The following KLHL30 variants were observed in gnomAD, a reference collection of about 807,000 sequenced individuals.
KLHL30 encodes kelch like family member 30.
A neutral mutation model predicts 55.0 loss-of-function variants in KLHL30; 55 were observed. That is an observed-to-expected ratio of 1.00 (90% CI 0.80 to 1.25). The LOEUF (loss-of-function observed/expected upper bound fraction) is 1.25, where lower values mean the gene tolerates loss of function less well. Ranked by LOEUF, KLHL30 falls within the 50% of genes most tolerant of loss-of-function variation. The pLI is 0.00. For missense variants in KLHL30, 786 were observed against 811.6 expected, an observed-to-expected ratio of 0.97 and a Z score of 0.38; for synonymous variants, 356 against 372.6, an observed-to-expected ratio of 0.96 and a Z score of 0.51.
At chr2:238,145,360 C>T (rs994286046) in intron 4 of KLHL30, among the ~76,000 whole-genome samples, 30 of 152,214 alleles carry the variant, frequency 2.0e-4, no homozygotes, top group Admixed American at 5.9e-4. Context: ...GTCTTGGTCC[C>T]CAGAAAGAGT....
intron 3 of KLHL30, among the ~76,000 whole-genome samples, chr2:238,144,432 A>AAGGCAGGCAGGC (rs1165549782): frequency 0.012 from 1,026 of 82,406 alleles, 20 homozygotes; most frequent in African/African-American, 0.038. Context: ...GGAAGGAAGG[A>AAGGCAGGCAGGC]AGGCAGGCAG....
chr2:238,143,061 G>C (rs1692571331), intron 3 of KLHL30, 130 bp downstream of exon 3: 2 of 1,185,074 alleles, frequency 1.7e-6, no homozygotes, highest in South Asian at 5.0e-5. Flanking sequence ...CCCTGTGAGG[G>C]GCGTGCCTGG....
rs767713769 is a variant in KLHL30, at chr2:238,149,028, C to T, written c.1361C>T (p.Ser454Leu). 8.8e-5 allele frequency: 141 copies of T among 1,608,726 alleles called. No individual in the cohort carries two copies. Among genetic ancestry groups the T allele is most frequent in the Non-Finnish European group, 1.1e-4 (135 of 1,177,954 alleles). Reference protein sequence around the residue: ...PVTDAWSVIASPFLPKYLSSP... With the variant: ...PVTDAWSVIALPFLPKYLSSP... ...ACAGATGCGTGGAGTGTGATCGCCT[C>T]GCCCTTCCTGCCCAAGTACCTGTCC... is the stretch of plus-strand genomic sequence containing the variant. Residue 454 changes from serine (S) to leucine (L), a missense_variant, in exon 7 of 8, where the codon TCG becomes TTG. By Grantham distance (145) the Ser-to-Leu change is moderately radical. Coordinates refer to ENST00000409223, the MANE Select transcript of KLHL30 (RefSeq NM_198582.4).
intron 1 of KLHL30, among the ~76,000 whole-genome samples, chr2:238,139,968 G>A (rs1010625138): frequency 2.0e-5 from 3 of 152,236 alleles, no homozygotes; most frequent in African/African-American, 4.8e-5. Context: ...CCTCCAGAAC[G>A]CTGCCTTTGG....
At chr2:238,144,751 G>A (rs1223441320) in intron 3 of KLHL30, 151 bp from the exon 4 acceptor site, 35 of 665,768 alleles carry the variant, frequency 5.3e-5, no homozygotes, top group Non-Finnish European at 7.2e-5. Flanking sequence ...CCGGGCCCCC[G>A]TACCAGTGTC....
At position 238,149,172 on chromosome 2, in the gene KLHL30, A is replaced by G. The variant is rs1387722178; in HGVS notation, c.1485+20A>G. The G allele has an allele frequency of 1.2e-6, 2 of 1,611,358 alleles. No individual in the cohort carries two copies. The highest frequency in any genetic ancestry group is 8.5e-7 in the Non-Finnish European group (1 of 1,179,526). ...CAGAAGGTGGGCCGCCCCCTCCCCC[A>G]ACATGTGTGAGCCCCTGCCCAGGAC... On this transcript the variant is annotated intron_variant, in intron 7 of 7. Coordinates refer to ENST00000409223, the MANE Select transcript of KLHL30 (RefSeq NM_198582.4).
intron 6 of KLHL30, 59 bp from the exon 7 acceptor site, chr2:238,148,948 G>A (rs1219819470): frequency 1.3e-6 from 2 of 1,522,842 alleles, no homozygotes; most frequent in Non-Finnish European, 1.8e-6. Context: ...GTGGGGCACA[G>A]TGCTAGTGCC....
intron 2 of KLHL30, among the ~76,000 whole-genome samples, chr2:238,141,763 G>A (rs958675803): frequency 6.6e-6 from 1 of 152,256 alleles, no homozygotes; most frequent in Non-Finnish European, 1.5e-5. Context: ...TGTGGAAGTG[G>A]TAAGATCTGG....
chr2:238,146,468 G>A (rs1054343360), intron 5 of KLHL30, among the ~76,000 whole-genome samples: 34 of 151,358 alleles, frequency 2.2e-4, no homozygotes, highest in African/African-American at 7.7e-4. Context: ...GTGCAGTGGA[G>A]TGATCTCAGC....
chr2:238,142,429 G>A (rs915684449), intron 2 of KLHL30, among the ~76,000 whole-genome samples: 3 of 152,196 alleles, frequency 2.0e-5, no homozygotes, highest in African/African-American at 7.2e-5. Flanking sequence ...GGGAGAGCCT[G>A]GGGTCCTGGG....
Position 238,150,795 on chromosome 2 carries a change from A to G in KLHL30, c.1486-19A>G, listed in dbSNP as rs765579129. ...TCCAGCTCCCGCCCACCGGACGCTAACCCGCTGACCGTGCACAGGTGCAGT... is the reference window on the plus strand; with the variant it reads ...TCCAGCTCCCGCCCACCGGACGCTAGCCCGCTGACCGTGCACAGGTGCAGT... On this transcript the variant is annotated intron_variant, in intron 7 of 7. Coordinates refer to ENST00000409223, the MANE Select transcript of KLHL30 (RefSeq NM_198582.4). The G allele has an allele frequency of 1.4e-5, 22 of 1,562,582 alleles. No homozygotes were observed. The highest frequency in any genetic ancestry group is 1.7e-5 in the Non-Finnish European group (20 of 1,153,984).
intron 6 of KLHL30, among the ~76,000 whole-genome samples, chr2:238,148,231 G>A (rs566446115): frequency 3.9e-5 from 6 of 152,180 alleles, no homozygotes; most frequent in South Asian, 2.1e-4. Context: ...CGTCAGCTCC[G>A]CAGAGTCCCA....
At chr2:238,144,414 G>GGAAGGAAGGAAT (rs1559275912) in intron 3 of KLHL30, among the ~76,000 whole-genome samples, 104 of 120,690 alleles carry the variant, frequency 8.6e-4, no homozygotes, top group Admixed American at 1.1e-3. Context: ...AAGGAAGGAA[G>GGAAGGAAGGAAT]GAAGGAAGGA....
At position 238,149,030 on chromosome 2, in the gene KLHL30, C is replaced by T. The variant is rs1692699374; in HGVS notation, c.1363C>T (p.Pro455Ser). Residue 455 changes from proline to serine, a missense_variant, in exon 7 of 8, where the codon CCC (proline) becomes TCC (serine). Coordinates refer to ENST00000409223, the MANE Select transcript of KLHL30 (RefSeq NM_198582.4). ...AGATGCGTGGAGTGTGATCGCCTCG[C>T]CCTTCCTGCCCAAGTACCTGTCCTC... ...VTDAWSVIAS[P>S]FLPKYLSSPR... 5.6e-6 allele frequency: 9 copies of T among 1,610,150 alleles called. No homozygotes were observed. Among genetic ancestry groups the T allele is most frequent in the Non-Finnish European group, 7.6e-6 (9 of 1,178,616 alleles).
At chr2:238,144,764 C>G in intron 3 of KLHL30, 138 bp from the exon 4 acceptor site, 1 of 697,276 alleles carries the variant, frequency 1.4e-6, no homozygotes, top group South Asian at 1.7e-5. Flanking sequence ...CCAGTGTCAC[C>G]CTGCCCCTCC....
In KLHL30 at chr2:238,145,759, C is replaced by T. The variant is rs747247377; in HGVS notation, c.1077C>T (p.Pro359=). ...CCCTGAAGGAGGCCTCCTGGAAGCC[C>T]GTGGCGCCCATGCTGAAGCCCCGCA... The part of the protein sequence containing the change: ...CFPLKEASWK[P]VAPMLKPRTN... The change falls in exon 5 of 8, where the codon CCC becomes CCT. Residue 359 remains proline (P), a synonymous_variant. Coordinates refer to ENST00000409223, the MANE Select transcript of KLHL30 (RefSeq NM_198582.4). The T allele has an allele frequency of 1.6e-5, 25 of 1,604,508 alleles. No individual in the cohort carries two copies. The highest frequency in any genetic ancestry group is 1.7e-4 in the Middle Eastern group (1 of 5,980).
chr2:238,150,941 C>G lies in KLHL30; in HGVS notation c.1613C>G (p.Thr538Arg). The part of the protein sequence containing the change: ...DYHVEMEAYD[T>R]VRDTWTRHGA... The stretch of plus-strand genomic sequence containing the variant: ...CACGTGGAGATGGAGGCCTACGACA[C>G]GGTTCGGGACACCTGGACCCGCCAC... Residue 538 changes from threonine to arginine, a missense_variant, in exon 8 of 8, where the codon ACG becomes AGG. Coordinates refer to ENST00000409223, the MANE Select transcript of KLHL30 (RefSeq NM_198582.4). 2 of 1,585,836 alleles carry G rather than the reference C, an allele frequency of 1.3e-6. No homozygotes were observed. The highest frequency in any genetic ancestry group is 1.7e-6 in the Non-Finnish European group (2 of 1,167,534).
rs570594439 is a variant in KLHL30, at chr2:238,147,233, T to G, written c.1151-601T>G. 5.3e-5 allele frequency among the ~76,000 whole-genome samples: 8 copies of G among 151,982 alleles called. No individual in the cohort carries two copies. The highest frequency in any genetic ancestry group is 7.4e-5 in the Non-Finnish European group (5 of 67,988). The stretch of plus-strand genomic sequence containing the variant: ...GATGAACTGGTCTTGAGGCCACTTC[T>G]AATGCCCCATCTGTCCCAGCTGTCC... On this transcript the variant is annotated intron_variant, in intron 5 of 7. Coordinates refer to ENST00000409223, the MANE Select transcript of KLHL30 (RefSeq NM_198582.4). This position sits in a 1 kb window ranked among gnomAD's most constrained non-coding sequence, Gnocchi z 5.8.
At chr2:238,144,391 G>C (rs565907912) in intron 3 of KLHL30, among the ~76,000 whole-genome samples, 1 of 92,226 alleles carries the variant, frequency 1.1e-5, no homozygotes, top group Non-Finnish European at 2.2e-5. Context: ...AGGAAGGAAG[G>C]AAGGAAGGAA....
Sources: allele counts gnomAD v4.1 joint callset (sites outside exome capture counted in the v4.1 genomes callset), GRCh38; gene constraint gnomAD v4.1.1; non-coding constraint Gnocchi (gnomAD v3.1); transcripts MANE v1.5; gene names NCBI Gene and HGNC (gene_info 2026-07-23, HGNC 2026-07-21).